ZFP2: variants seen among roughly 807,000 people sequenced by gnomAD.
ZFP2 encodes ZFP2 zinc finger protein, also known as zinc finger protein ZFP2.
ZFP2 carries 33 observed loss-of-function variants against 36.1 expected under a neutral mutation model. The ratio of observed to expected loss-of-function variants is 0.92; its 90% CI spans 0.69 to 1.22. ZFP2 has a LOEUF of 1.22. Among genes scored for constraint, ZFP2 ranks in the 50% most tolerant of loss-of-function variants. The pLI, the probability that ZFP2 is intolerant of heterozygous loss-of-function variation, is 0.00. For missense variants in ZFP2, 522 were observed against 551.4 expected, an observed-to-expected ratio of 0.95 and a Z score of 0.53; for synonymous variants, 170 against 178.0, an observed-to-expected ratio of 0.96 and a Z score of 0.36.
At chr5:178,922,172 T>G (rs536557826) in intron 4 of ZFP2, 6 of 1,112,224 alleles carry the variant, frequency 5.4e-6, no homozygotes, top group Non-Finnish European at 6.9e-6. Flanking sequence ...CTCCTCAATA[T>G]TGGAAACACA....
chr5:178,917,386 G>A (rs574952991), intron 4 of ZFP2, among the ~76,000 whole-genome samples: 5 of 152,148 alleles, frequency 3.3e-5, no homozygotes, highest in Middle Eastern at 3.4e-3. Flanking sequence ...AGGCTGAGGC[G>A]GGCAGATCTC....
intron 1 of ZFP2, chr5:178,910,580 T>C (rs562131448): frequency 2.3e-4 from 108 of 470,896 alleles, no homozygotes; most frequent in Non-Finnish European, 4.2e-4. Context: ...TGAGGGATTC[T>C]TACACTTGGT....
intron 1 of ZFP2, among the ~76,000 whole-genome samples, chr5:178,902,197 C>A (rs1044415672): frequency 1.3e-5 from 2 of 152,122 alleles, no homozygotes; most frequent in African/African-American, 4.8e-5. Context: ...TGCCATTTTT[C>A]TCTTCCTGTA....
intron 4 of ZFP2, among the ~76,000 whole-genome samples, chr5:178,925,219 T>G (rs1192480813): frequency 2.0e-5 from 3 of 148,246 alleles, no homozygotes; most frequent in Non-Finnish European, 4.5e-5. Flanking sequence ...TATTGATATG[T>G]GTAGCTTTAG....
intron 4 of ZFP2, among the ~76,000 whole-genome samples, chr5:178,927,533 G>T (rs1712104118): frequency 6.8e-6 from 1 of 146,512 alleles, no homozygotes; most frequent in African/African-American, 2.5e-5. Flanking sequence ...TTTCGCTCTT[G>T]TCGCCCAGGC....
intron 1 of ZFP2, among the ~76,000 whole-genome samples, chr5:178,900,032 T>C (rs907758785): frequency 3.3e-5 from 5 of 152,140 alleles, no homozygotes; most frequent in African/African-American, 1.2e-4. Flanking sequence ...ATGGGGGTAT[T>C]GGACAAAGGG....
In ZFP2 at chr5:178,909,913, C is replaced by A. The variant is rs181500946; in HGVS notation, c.-449-2671C>A. 8 of 1,503,510 alleles carry A rather than the reference C, an allele frequency of 5.3e-6. No homozygotes were observed. The African/African-American group carries it at 8.3e-5, about 16-fold the overall frequency. 93.1% of individuals were successfully genotyped at this position (1,503,510 alleles called of 1,614,324 possible). A position where few individuals can be genotyped will look rare whatever the true frequency, so the allele number is the denominator to read the frequency against. On this transcript the variant is annotated intron_variant, in intron 1 of 4. Transcript: ENST00000361362. ...ATGTTCCAAGAGTCCCGGGAGATGC[C>A]CTTGATCCTCAAGGGGTTCTCTGTT...
chr5:178,922,483 A>C, intron 4 of ZFP2: 1 of 1,372,596 alleles, frequency 7.3e-7, no homozygotes, highest in Non-Finnish European at 1.0e-6. Flanking sequence ...CATGGCTAAG[A>C]GTTTTCAGTA....
Position 178,932,622 on chromosome 5 carries a change from C to T in ZFP2, c.1309C>T (p.Pro437Ser). Reference protein sequence around the residue: ...VHQRTHTGEKPYQCNECGKAF... With the variant: ...VHQRTHTGEKSYQCNECGKAF... ...TCAGAGAACTCATACAGGAGAGAAACCCTATCAGTGTAATGAATGCGGAAA... is the reference window on the plus strand; with the variant it reads ...TCAGAGAACTCATACAGGAGAGAAATCCTATCAGTGTAATGAATGCGGAAA... Residue 437 changes from proline (P) to serine (S), a missense_variant, in exon 5 of 5, where the codon CCC becomes TCC. Physicochemically the swap from Pro to Ser is moderately conservative, Grantham distance 74. Transcript: ENST00000361362. The T allele has an allele frequency of 6.2e-7, 1 of 1,614,094 alleles. No homozygotes were observed.
intron 4 of ZFP2, among the ~76,000 whole-genome samples, chr5:178,929,944 G>GC (rs1211399336): frequency 4.0e-5 from 6 of 149,048 alleles, no homozygotes; most frequent in Non-Finnish European, 8.9e-5. Context: ...CTTGACGGTG[G>GC]GGGGGGGGGC....
In ZFP2 at chr5:178,932,673, A is replaced by G. The variant is rs774335163; in HGVS notation, c.1360A>G (p.Thr454Ala). The change falls in exon 5 of 5, where the codon ACA becomes GCA. Residue 454 changes from threonine (T) to alanine (A), a missense_variant. Transcript: ENST00000361362. ...GKAFSRSTNL[T>A]RHQRTHT ...AGCCTTCAGCCGGAGTACAAACCTT[A>G]CACGACATCAAAGAACTCATACGTG... is the stretch of plus-strand genomic sequence containing the variant. The G allele has an allele frequency of 1.9e-6, 3 of 1,605,426 alleles. No individual in the cohort carries two copies. Among genetic ancestry groups the G allele is most frequent in the Non-Finnish European group, 1.7e-6 (2 of 1,175,986 alleles).
chr5:178,904,303 G>T (rs1162319317), intron 1 of ZFP2, among the ~76,000 whole-genome samples: 1 of 152,186 alleles, frequency 6.6e-6, no homozygotes, highest in Non-Finnish European at 1.5e-5. Flanking sequence ...TTTCCACAGG[G>T]GATGCAGACA....
Position 178,897,550 on chromosome 5 carries a change from T to A in ZFP2, c.-450+1576T>A, listed in dbSNP as rs77397512. 2.7e-3 allele frequency among the ~76,000 whole-genome samples: 414 copies of A among 152,336 alleles called. 15 individuals are homozygous for A. The East Asian group carries it at 0.064, about 24-fold the overall frequency. On this transcript the variant is annotated intron_variant, in intron 1 of 4. Transcript: ENST00000361362. ...TACTTTCATTTTTTGTGTACATTTT[T>A]ATTTTTTTCCAAATGGTAAGCCTTT...
intron 3 of ZFP2, 73 bp from the exon 4 acceptor site, chr5:178,916,492 A>G (rs2113094681): frequency 1.1e-6 from 1 of 948,316 alleles, no homozygotes; most frequent in South Asian, 4.9e-5. Flanking sequence ...GAAACTAAAG[A>G]TAGGCGAAAG....
chr5:178,914,381 T>G (rs1758373764), intron 3 of ZFP2, among the ~76,000 whole-genome samples: 1 of 152,210 alleles, frequency 6.6e-6, no homozygotes, highest in African/African-American at 2.4e-5. Flanking sequence ...ATCCATTTTT[T>G]ATGGTCTTGC....
intron 1 of ZFP2, among the ~76,000 whole-genome samples, chr5:178,902,619 A>G (rs1006692837): frequency 5.3e-5 from 8 of 152,196 alleles, no homozygotes; most frequent in Admixed American, 5.2e-4. Flanking sequence ...GATTGTGATT[A>G]ATTAAAATTT....
intron 3 of ZFP2, among the ~76,000 whole-genome samples, chr5:178,913,674 A>T (rs1019849291): frequency 6.6e-6 from 1 of 151,942 alleles, no homozygotes; most frequent in African/African-American, 2.4e-5. Context: ...CTACCCATTC[A>T]ATGCCATTTA....
rs1758329632 is a variant in ZFP2 at position 178,913,050 on chromosome 5, C to G, written c.-245C>G. On this transcript the variant is annotated 5_prime_UTR_variant, in exon 3 of 5. Coordinates refer to ENST00000361362, the MANE Select transcript of ZFP2 (RefSeq NM_030613.4). ...AGAACTGAGTCTGATGCAAAAAGAA[C>G]CGCCTGAGGGTGGCTTTCGAGGTAA... 1.0e-6 allele frequency: 1 copy of G among 985,742 alleles called. No homozygotes were observed. The highest frequency in any genetic ancestry group is 6.1e-5 in the Admixed American group (1 of 16,264). 61.1% of individuals were successfully genotyped at this position (985,742 alleles called of 1,614,324 possible).
Position 178,910,182 on chromosome 5 carries a change from A to G in ZFP2, c.-449-2402A>G, listed in dbSNP as rs148665379. 8.6e-4 allele frequency: 1,328 copies of G among 1,546,554 alleles called. 2 individuals carry two copies. The African/African-American group carries it at 9.0e-3, about 11-fold the overall frequency. ...ATTTAATGCTTTGCAGCCATCAAAAATCTTTCTGGTGAATTTGCACATGGT... is the reference window on the plus strand; with the variant it reads ...ATTTAATGCTTTGCAGCCATCAAAAGTCTTTCTGGTGAATTTGCACATGGT... On this transcript the variant is annotated intron_variant, in intron 1 of 4. Coordinates refer to ENST00000361362, the MANE Select transcript of ZFP2 (RefSeq NM_030613.4).
Sources: gnomAD v4.1 joint callset for allele counts (sites outside exome capture counted in the v4.1 genomes callset) on GRCh38, gnomAD v4.1.1 for gene constraint, MANE v1.5 for transcripts, NCBI Gene and HGNC (gene_info 2026-07-23, HGNC 2026-07-21) for gene names.